The following VANGL1 variants were observed in gnomAD, a reference collection of about 807,000 sequenced individuals.
The protein encoded by VANGL1 is vang-like protein 1.
Under a neutral mutation model 48.4 loss-of-function variants are expected in VANGL1, and 18 were observed. That is an observed-to-expected ratio of 0.37 (90% CI 0.26 to 0.55). The LOEUF (loss-of-function observed/expected upper bound fraction) is 0.55, where lower values mean the gene tolerates loss of function less well. VANGL1 is among the 20% of genes least tolerant of loss of function. The pLI is 0.81. For synonymous variants in VANGL1, 257 were observed against 261.8 expected, an observed-to-expected ratio of 0.98 and a Z score of 0.18; for missense variants, 667 against 675.8, an observed-to-expected ratio of 0.99 and a Z score of 0.14.
chr1:115,653,612 C>A (rs571672464), intron 2 of VANGL1, among the ~76,000 whole-genome samples: 1 of 152,142 alleles, frequency 6.6e-6, no homozygotes, highest in Non-Finnish European at 1.5e-5. Context: ...CTGACTTTCA[C>A]GCTTCGGGGC....
intron 2 of VANGL1, among the ~76,000 whole-genome samples, chr1:115,658,767 G>A (rs1652436482): frequency 6.6e-6 from 1 of 152,108 alleles, no homozygotes; most frequent in Non-Finnish European, 1.5e-5. Context: ...CCCATAAGTG[G>A]TTATTGCCCA....
At position 115,697,027 on chromosome 1, in the gene VANGL1, C is replaced by T. The variant is rs962273126; in HGVS notation, c.*5648C>T. 6.6e-6 allele frequency: 1 copy of T among 152,182 alleles called. No individual in the cohort carries two copies. Among genetic ancestry groups the T allele is most frequent in the South Asian group, 2.1e-4 (1 of 4,822 alleles). 9.4% of individuals were successfully genotyped at this position (152,182 alleles called of 1,614,324 possible). ...TTGTATGTGCTTATCTTTATCTGAG[C>T]TTTCACTTGTAGACATGGCCTTTTG... On this transcript the variant is annotated 3_prime_UTR_variant, in exon 8 of 8. Transcript: ENST00000355485.
intron 4 of VANGL1, among the ~76,000 whole-genome samples, chr1:115,673,415 A>G (rs1313269777): frequency 6.6e-6 from 1 of 152,152 alleles, no homozygotes; most frequent in Non-Finnish European, 1.5e-5. Flanking sequence ...CAGAAAGTAC[A>G]AAATCTAGGT....
At chr1:115,662,634 T>C (rs767078084) in intron 3 of VANGL1, among the ~76,000 whole-genome samples, 5 of 152,238 alleles carry the variant, frequency 3.3e-5, no homozygotes, top group Non-Finnish European at 7.3e-5. Flanking sequence ...TGATGTTTAG[T>C]TCCTCGTGAA....
chr1:115,679,207 C>T (rs76897640), intron 4 of VANGL1, among the ~76,000 whole-genome samples: 3 of 152,332 alleles, frequency 2.0e-5, no homozygotes, highest in East Asian at 1.9e-4. Context: ...GTGGGGCTGG[C>T]CAAGCCCACG....
intron 2 of VANGL1, among the ~76,000 whole-genome samples, chr1:115,658,427 C>A (rs567927096): frequency 7.9e-5 from 12 of 152,366 alleles, no homozygotes; most frequent in African/African-American, 2.4e-4. Flanking sequence ...TTAGCACTTA[C>A]TCCACATCCT....
intron 4 of VANGL1, among the ~76,000 whole-genome samples, chr1:115,667,111 G>A (rs531140948): frequency 6.6e-6 from 1 of 152,244 alleles, no homozygotes; most frequent in African/African-American, 2.4e-5. Flanking sequence ...ATCACAGGCT[G>A]TTGGCTCTCC....
In VANGL1 at chr1:115,697,943, C is replaced by A. The variant is rs949026372; in HGVS notation, c.*6564C>A. 2.6e-5 allele frequency: 4 copies of A among 152,188 alleles called. No homozygotes were observed. The highest frequency in any genetic ancestry group is 5.9e-5 in the Non-Finnish European group (4 of 68,046). The allele number at this position is 152,188 out of a possible 1,614,324, so 9.4% of individuals were successfully genotyped here. ...AACTGGGTAGTGGGCTCTTTTGACA[C>A]ATTTGCAAGCATGTAAATGAATGAA... is the stretch of plus-strand genomic sequence containing the variant. On this transcript the variant is annotated 3_prime_UTR_variant, in exon 8 of 8. Transcript: ENST00000355485.
intron 1 of VANGL1, among the ~76,000 whole-genome samples, chr1:115,648,413 A>C (rs1652016017): frequency 6.6e-6 from 1 of 152,144 alleles, no homozygotes. Context: ...GGAAGGAACC[A>C]TGGGAGGGAA....
At chr1:115,664,634 C>T (rs1443671409) in intron 4 of VANGL1, among the ~76,000 whole-genome samples, 1 of 152,154 alleles carries the variant, frequency 6.6e-6, no homozygotes, top group Non-Finnish European at 1.5e-5. Flanking sequence ...CCATTTTGTC[C>T]CAAATGTGAC....
chr1:115,654,271 G>A (rs1402683008), intron 2 of VANGL1, among the ~76,000 whole-genome samples: 1 of 151,916 alleles, frequency 6.6e-6, no homozygotes, highest in Non-Finnish European at 1.5e-5. Context: ...TGATATGCCT[G>A]ATGACACCAT....
Position 115,689,566 on chromosome 1 carries a change from G to T in VANGL1, c.1315-1553G>T, listed in dbSNP as rs1653756890. Among the ~76,000 whole-genome samples the T allele has an allele frequency of 3.6e-5, 5 of 137,170 alleles. 2 individuals carry two copies. The South Asian group carries it at 1.3e-3, about 34-fold the overall frequency. 90.0% of individuals were successfully genotyped at this position (137,170 alleles called of 152,430 possible). ...GCAGGAGAATTGCTTGAAACGGGAG[G>T]CGGAGGTTGCAGTGAGCTGAGATCG... On this transcript the variant is annotated intron_variant, in intron 7 of 7. Coordinates refer to ENST00000355485, the MANE Select transcript of VANGL1 (RefSeq NM_138959.3).
At chr1:115,653,263 C>T (rs1309485276) in intron 2 of VANGL1, among the ~76,000 whole-genome samples, 9 of 152,118 alleles carry the variant, frequency 5.9e-5, no homozygotes, top group Admixed American at 2.6e-4. Flanking sequence ...AGAAGGAGCT[C>T]GGGGCAGGTG....
intron 3 of VANGL1, among the ~76,000 whole-genome samples, chr1:115,661,894 A>C (rs1346455577): frequency 6.6e-6 from 1 of 152,206 alleles, no homozygotes; most frequent in Non-Finnish European, 1.5e-5. Context: ...CTAGGATTAC[A>C]GGCGTGAGCC....
chr1:115,683,137 T>A (rs2101028644), intron 5 of VANGL1, among the ~76,000 whole-genome samples: 1 of 138,092 alleles, frequency 7.2e-6, no homozygotes, highest in East Asian at 2.2e-4. Flanking sequence ...GTTGGCAATA[T>A]CCTTTCAGTT....
chr1:115,660,392 A>G (rs1369723573), intron 3 of VANGL1, among the ~76,000 whole-genome samples: 1 of 152,214 alleles, frequency 6.6e-6, no homozygotes, highest in East Asian at 1.9e-4. Context: ...GCAGCTCCAG[A>G]CACCTACTGT....
At chr1:115,665,849 G>C (rs1652759058) in intron 4 of VANGL1, among the ~76,000 whole-genome samples, 1 of 152,184 alleles carries the variant, frequency 6.6e-6, no homozygotes, top group African/African-American at 2.4e-5. Flanking sequence ...TCTGCTGTGT[G>C]CAGAGCCCTG....
chr1:115,696,853 C>T lies in VANGL1; in HGVS notation c.*5474C>T, dbSNP rs1654050138. On this transcript the variant is annotated 3_prime_UTR_variant, in exon 8 of 8. Coordinates refer to ENST00000355485, the MANE Select transcript of VANGL1 (RefSeq NM_138959.3). The stretch of plus-strand genomic sequence containing the variant: ...AGCTTACAAACATCAGCGTTTTGTC[C>T]TTGTCATAGTGGAAGAAAGACACTT... 6.6e-6 allele frequency: 1 copy of T among 152,182 alleles called. No homozygotes were observed. Among genetic ancestry groups the T allele is most frequent in the Admixed American group, 6.5e-5 (1 of 15,274 alleles). 9.4% of individuals were successfully genotyped at this position (152,182 alleles called of 1,614,324 possible). A position where few individuals can be genotyped will look rare whatever the true frequency, so the allele number is the denominator to read the frequency against.
intron 4 of VANGL1, among the ~76,000 whole-genome samples, chr1:115,682,055 A>G (rs1449339600): frequency 6.6e-6 from 1 of 152,250 alleles, no homozygotes; most frequent in Non-Finnish European, 1.5e-5. Flanking sequence ...AAATAGAAAA[A>G]GTTCTTGTGT....
Sources: gnomAD v4.1 joint callset for allele counts (sites outside exome capture counted in the v4.1 genomes callset) on GRCh38, gnomAD v4.1.1 for gene constraint, MANE v1.5 for transcripts, NCBI Gene and HGNC (gene_info 2026-07-23, HGNC 2026-07-21) for gene names.